The following CCDC142 variants were observed in gnomAD, a reference collection of about 807,000 sequenced individuals.
CCDC142 encodes the protein coiled-coil domain containing 142, also known as coiled-coil domain-containing protein 142.
CCDC142 carries 67 observed loss-of-function variants against 83.8 expected under a neutral mutation model. The ratio of observed to expected loss-of-function variants is 0.80; its 90% CI spans 0.66 to 0.98. CCDC142 has a LOEUF of 0.98. CCDC142 is among the 50% of genes least tolerant of loss of function. CCDC142 has a pLI of 0.00. For synonymous variants in CCDC142, 421 were observed against 421.2 expected (o/e 1.00, Z 0.01); for missense variants, 905 against 946.8 (o/e 0.96, Z 0.58).
chr2:74,481,845 C>G lies in CCDC142; in HGVS notation c.993G>C (p.Ala331=), dbSNP rs777434042. ...LGPWRDPRAT[A]QQLSQALGQA... is the part of the protein sequence containing the mutation. ...GACCCAGTGCCTGACTCAGCTGTTG[C>G]GCTGTTGCCCTGGGGTCCCTCCAGG... The change falls in exon 1 of 9, where the codon GCG becomes GCC. Residue 331 remains alanine (A), a synonymous_variant. Coordinates refer to ENST00000393965, the MANE Select transcript of CCDC142 (RefSeq NM_001365575.2). 1.9e-6 allele frequency: 3 copies of G among 1,613,290 alleles called. No individual in the cohort carries two copies. Among genetic ancestry groups the G allele is most frequent in the African/African-American group, 2.7e-5 (2 of 74,916 alleles).
Position 74,482,201 on chromosome 2 carries a change from G to C in CCDC142, c.637C>G (p.His213Asp). 6.2e-7 allele frequency: 1 copy of C among 1,613,682 alleles called. No individual in the cohort carries two copies. The highest frequency in any genetic ancestry group is 8.5e-7 in the Non-Finnish European group (1 of 1,179,942). ...AELLFALPAY[H>D]TLQRKALSHV... ...CTCAAGGCTTTTCTCTGTAGTGTGT[G>C]GTAGGCGGGAAGTGCAAAGAGCAGC... Residue 213 changes from histidine (H) to aspartate (D), a missense_variant, in exon 1 of 9, where the codon CAC becomes GAC. Physicochemically the swap from His to Asp is moderately conservative, Grantham distance 81. Transcript: ENST00000393965. This position sits in a 1 kb window ranked among gnomAD's most constrained non-coding sequence, Gnocchi z 5.0.
chr2:74,475,656 A>G lies in CCDC142; in HGVS notation c.1574T>C (p.Leu525Pro), dbSNP rs760709422. The G allele has an allele frequency of 1.9e-6, 3 of 1,614,120 alleles. No individual in the cohort carries two copies. In the Admixed American group the frequency reaches 5.0e-5, roughly 27 times the overall value. ...CHKQAMQGFK[L>P]YMPRGRYWRL... ...CCAGTACCGACCCCGTGGCATGTAG[A>G]GCTTGAAACCTTGCATGGCTTGTTT... Residue 525 changes from leucine (L) to proline (P), a missense_variant, in exon 6 of 9, where the codon CTC becomes CCC. Leu to Pro is a moderately conservative substitution (Grantham distance 98). Transcript: ENST00000393965.
chr2:74,482,815 C>T lies in CCDC142; in HGVS notation c.23G>A (p.Gly8Asp). MAQASRS[G>D]SLPPLVIVPP... ...CACGATAACGAGTGGAGGCAGGCTA[C>T]CTGAGCGAGACGCCTGGGCCATGGG... Residue 8 changes from glycine to aspartate, a missense_variant, in exon 1 of 9, where the codon GGT (glycine) becomes GAT (aspartate). Physicochemically the swap from Gly to Asp is moderately conservative, Grantham distance 94. This residue lies in a region of CCDC142 where 591 missense variants were observed against 571.4 expected (regional missense o/e 1.03). Coordinates refer to ENST00000393965, the MANE Select transcript of CCDC142 (RefSeq NM_001365575.2). The surrounding 1 kb of genome is among the most constrained non-coding windows in gnomAD (Gnocchi z 5.0). 2 of 1,599,478 alleles carry T rather than the reference C, an allele frequency of 1.3e-6. No homozygotes were observed. Among genetic ancestry groups the T allele is most frequent in the Non-Finnish European group, 1.7e-6 (2 of 1,179,818 alleles).
chr2:74,475,975 C>T (rs1200684105), intron 5 of CCDC142, among the ~76,000 whole-genome samples: 1 of 149,586 alleles, frequency 6.7e-6, no homozygotes, highest in East Asian at 2.0e-4. Context: ...GATGGAAAAT[C>T]CTTGAGGTTA....
rs763356417 is a variant in CCDC142 at position 74,481,887 on chromosome 2, C to T, written c.951G>A (p.Leu317=). The T allele has an allele frequency of 6.2e-7, 1 of 1,614,178 alleles. No homozygotes were observed. Among genetic ancestry groups the T allele is most frequent in the Non-Finnish European group, 8.5e-7 (1 of 1,180,022 alleles). The change falls in exon 1 of 9, where the codon CTG becomes CTA. Residue 317 remains leucine, a synonymous_variant. Transcript: ENST00000393965. The stretch of plus-strand genomic sequence containing the variant: ...CCCTCCAGGGTCCCAGATTTAGGTC[C>T]AGACTCTGAGCACAGGCTGCCCACA... ...TLLWAACAQS[L]DLNLGPWRDP...
rs1672228143 is a variant in CCDC142 at position 74,473,132 on chromosome 2, G to C, written c.*1414C>G. On this transcript the variant is annotated 3_prime_UTR_variant, in exon 9 of 9. Transcript: ENST00000393965. ...CTGAAGATTAAACGTAGTGAGCTCT[G>C]AATAGCCAAAGCTTAAACGTGAAAG... The C allele has an allele frequency of 9.1e-6, 2 of 218,790 alleles. No homozygotes were observed. Among genetic ancestry groups the C allele is most frequent in the African/African-American group, 4.7e-5 (2 of 42,250 alleles). 13.6% of individuals were successfully genotyped at this position (218,790 alleles called of 1,614,324 possible). A position where few individuals can be genotyped will look rare whatever the true frequency, so the allele number is the denominator to read the frequency against.
intron 5 of CCDC142, 39 bp from the exon 6 acceptor site, chr2:74,475,765 T>G: frequency 7.9e-7 from 1 of 1,262,864 alleles, no homozygotes; most frequent in Non-Finnish European, 1.1e-6. Context: ...GCTTGTCAAA[T>G]TATGATGATC....
In CCDC142 at chr2:74,473,922, GCCA is replaced by G. The variant is rs766513440; in HGVS notation, c.*621_*623del. The G allele has an allele frequency of 6.6e-6, 1 of 151,652 alleles. No homozygotes were observed. Among genetic ancestry groups the G allele is most frequent in the South Asian group, 2.1e-4 (1 of 4,798 alleles). The allele number at this position is 151,652 out of a possible 1,614,324, so 9.4% of individuals were successfully genotyped here. A position where few individuals can be genotyped will look rare whatever the true frequency, so the allele number is the denominator to read the frequency against. On this transcript the variant is annotated 3_prime_UTR_variant, in exon 9 of 9. Coordinates refer to ENST00000393965, the MANE Select transcript of CCDC142 (RefSeq NM_001365575.2). Reference sequence around the variant, plus strand: ...TGAGTAGCTGGGATTACAGGCATGCGCCACCACACCTGGCTAATTTTGTATTTT... The same window carrying G: ...TGAGTAGCTGGGATTACAGGCATGCGCCACACCTGGCTAATTTTGTATTTT...
intron 7 of CCDC142, 42 bp downstream of exon 7, chr2:74,475,183 C>T (rs1049716915): frequency 1.2e-6 from 2 of 1,613,512 alleles, no homozygotes; most frequent in African/African-American, 1.3e-5. Flanking sequence ...TTCCTTTTCC[C>T]AGTTCCATTC....
chr2:74,481,387 G>A lies in CCDC142; in HGVS notation c.1109-15C>T, dbSNP rs1672451548. Reference sequence around the variant, plus strand: ...CTGGCAGAAACCTGAGGATGAGAGAGTATAGTGTGGTGGGGAAGCGGTAAC... The same window carrying A: ...CTGGCAGAAACCTGAGGATGAGAGAATATAGTGTGGTGGGGAAGCGGTAAC... On this transcript the variant is annotated splice_polypyrimidine_tract_variant and intron_variant, in intron 2 of 8. Transcript: ENST00000393965. 1 of 1,614,014 alleles carries A rather than the reference G, an allele frequency of 6.2e-7. No individual in the cohort carries two copies.
rs780857185 is a variant in CCDC142 at position 74,474,531 on chromosome 2, C to G, written c.*15G>C. 6.4e-7 allele frequency: 1 copy of G among 1,572,992 alleles called. No individual in the cohort carries two copies. The highest frequency in any genetic ancestry group is 8.6e-7 in the Non-Finnish European group (1 of 1,162,244). On this transcript the variant is annotated 3_prime_UTR_variant, in exon 9 of 9. Transcript: ENST00000393965. ...TGGGGAGCTCTTAACTTTCTGGCTCCTGGTCCCAGGCTCCTTAGGATTCAG... is the reference window on the plus strand; with the variant it reads ...TGGGGAGCTCTTAACTTTCTGGCTCGTGGTCCCAGGCTCCTTAGGATTCAG...
chr2:74,477,121 TC>T (rs1381535810), intron 5 of CCDC142, among the ~76,000 whole-genome samples: 1 of 150,924 alleles, frequency 6.6e-6, no homozygotes, highest in Non-Finnish European at 1.5e-5. Flanking sequence ...TCACAATGCC[TC>T]TTTTTTTTTT....
At position 74,482,768 on chromosome 2, in the gene CCDC142, C is replaced by G. The variant is rs779822456; in HGVS notation, c.70G>C (p.Gly24Arg). 122 of 1,600,932 alleles carry G rather than the reference C, an allele frequency of 7.6e-5. No individual in the cohort carries two copies. The Middle Eastern group carries it at 1.8e-3, about 24-fold the overall frequency. Residue 24 changes from glycine to arginine, a missense_variant, in exon 1 of 9, where the codon GGG becomes CGG. Around this residue, in one of 3 missense-constraint regions of CCDC142, gnomAD observed 591 missense variants for 571.4 expected, o/e 1.03. Transcript: ENST00000393965. This position sits in a 1 kb window ranked among gnomAD's most constrained non-coding sequence, Gnocchi z 5.0. Reference protein sequence around the residue: ...VIVPPLRAQPGGTGEEQWERS... With the variant: ...VIVPPLRAQPRGTGEEQWERS... ...TCCCACTGCTCCTCCCCAGTGCCCC[C>G]GGGTTGCGCCCTCAGCGGGGGCACG... is the stretch of plus-strand genomic sequence containing the variant.
chr2:74,474,388 C>T lies in CCDC142; in HGVS notation c.*158G>A. 2.0e-6 allele frequency: 2 copies of T among 1,015,962 alleles called. No homozygotes were observed. The highest frequency in any genetic ancestry group is 2.8e-6 in the Non-Finnish European group (2 of 725,574). The allele number at this position is 1,015,962 out of a possible 1,614,324, so 62.9% of individuals were successfully genotyped here. On this transcript the variant is annotated 3_prime_UTR_variant, in exon 9 of 9. Coordinates refer to ENST00000393965, the MANE Select transcript of CCDC142 (RefSeq NM_001365575.2). Reference sequence around the variant, plus strand: ...TGAGCCACCTCGCCCAGCCCCTAATCTTGGATTCTTAAGCCCAGGCTCTTT... The same window carrying T: ...TGAGCCACCTCGCCCAGCCCCTAATTTTGGATTCTTAAGCCCAGGCTCTTT...
intron 5 of CCDC142, among the ~76,000 whole-genome samples, chr2:74,477,131 T>G (rs1363397093): frequency 6.6e-6 from 1 of 152,132 alleles, no homozygotes; most frequent in Non-Finnish European, 1.5e-5. Context: ...TCTTTTTTTT[T>G]TTTTGAGACC....
intron 7 of CCDC142, 46 bp downstream of exon 7, chr2:74,475,179 T>C: frequency 6.2e-7 from 1 of 1,613,636 alleles, no homozygotes; most frequent in South Asian, 1.1e-5. Context: ...CCCCTTCCTT[T>C]TCCCAGTTCC....
In CCDC142 at chr2:74,481,365, G is replaced by C. The variant is rs955021586; in HGVS notation, c.1116C>G (p.Cys372Trp). The C allele has an allele frequency of 6.2e-7, 1 of 1,614,022 alleles. No homozygotes were observed. Among genetic ancestry groups the C allele is most frequent in the African/African-American group, 1.3e-5 (1 of 74,916 alleles). Residue 372 changes from cysteine (C) to tryptophan (W), a missense_variant, in exon 3 of 9, where the codon TGC (cysteine) becomes TGG (tryptophan). Around this residue, in one of 3 missense-constraint regions of CCDC142, gnomAD observed 591 missense variants for 571.4 expected, o/e 1.03. Coordinates refer to ENST00000393965, the MANE Select transcript of CCDC142 (RefSeq NM_001365575.2). ...SLIWSWDQGFCQALGSALGGQ... is the reference protein window; with the variant it reads ...SLIWSWDQGFWQALGSALGGQ... ...CCCCAAGAGCTGATCCCAAGGCCTG[G>C]CAGAAACCTGAGGATGAGAGAGTAT...
In CCDC142 at chr2:74,481,073, G is replaced by T. The variant is rs144617711; in HGVS notation, c.1272C>A (p.Val424=). The change falls in exon 4 of 9, where the codon GTC becomes GTA. Residue 424 remains valine (V), a synonymous_variant. Transcript: ENST00000393965. ...IFCQPADPAP[V]ALGLCTLQTT... is the part of the protein sequence containing the mutation. ...TCTGAAGGGTACAGAGACCTAGGGCGACAGGCGCAGGATCTGGGGATTTGA... is the reference window on the plus strand; with the variant it reads ...TCTGAAGGGTACAGAGACCTAGGGCTACAGGCGCAGGATCTGGGGATTTGA... 5 of 1,612,614 alleles carry T rather than the reference G, an allele frequency of 3.1e-6. No homozygotes were observed. The highest frequency in any genetic ancestry group is 2.2e-5 in the South Asian group (2 of 91,004).
intron 5 of CCDC142, among the ~76,000 whole-genome samples, chr2:74,478,039 T>A (rs1053255813): frequency 6.8e-6 from 1 of 147,178 alleles, no homozygotes; most frequent in Non-Finnish European, 1.5e-5. Context: ...ATAAAATATA[T>A]ATAGATATAA....
Sources: allele counts gnomAD v4.1 joint callset (sites outside exome capture counted in the v4.1 genomes callset), GRCh38; gene constraint gnomAD v4.1.1; regional missense constraint gnomAD v4.1.1; non-coding constraint Gnocchi (gnomAD v3.1); transcripts MANE v1.5; gene names NCBI Gene and HGNC (gene_info 2026-07-23, HGNC 2026-07-21).